The following CWF19L1 variants were observed in gnomAD, a reference collection of about 807,000 sequenced individuals.
CWF19L1 encodes the protein CWF19 like cell cycle control factor 1, also known as CWF19-like protein 1.
A neutral mutation model predicts 69.7 loss-of-function variants in CWF19L1; 60 were observed. That is an observed-to-expected ratio of 0.86 (90% CI 0.70 to 1.07). CWF19L1 has a LOEUF of 1.07. Among genes scored for constraint, CWF19L1 ranks in the 50% least tolerant of loss-of-function variants. The pLI, the probability that CWF19L1 is intolerant of heterozygous loss-of-function variation, is 0.00. For missense variants in CWF19L1, 591 were observed against 638.9 expected (o/e 0.92, Z 0.81); for synonymous variants, 209 against 222.2 (o/e 0.94, Z 0.53).
At position 100,237,156 on chromosome 10, in the gene CWF19L1, A is replaced by G. The variant is rs866550779; in HGVS notation, c.1255-187T>C. The stretch of plus-strand genomic sequence containing the variant: ...ACTTAAACTTATGAGATAGCCTGAC[A>G]CATGTGGGAGCCATTCTCTGATGCA... On this transcript the variant is annotated intron_variant, in intron 11 of 13. Transcript: ENST00000354105. 1.2e-5 allele frequency: 9 copies of G among 769,116 alleles called. No homozygotes were observed. In the African/African-American group the frequency reaches 1.4e-4, roughly 12 times the overall value. 47.6% of individuals were successfully genotyped at this position (769,116 alleles called of 1,614,324 possible).
intron 9 of CWF19L1, among the ~76,000 whole-genome samples, chr10:100,245,433 A>G (rs547018579): frequency 6.6e-6 from 1 of 152,326 alleles, no homozygotes. Flanking sequence ...CATCACTCTC[A>G]AGTAGATGGG....
chr10:100,236,760 ACT>A, intron 12 of CWF19L1, 88 bp downstream of exon 12: 6 of 1,457,922 alleles, frequency 4.1e-6, no homozygotes, highest in South Asian at 2.7e-5. Flanking sequence ...ACAGAGCAAG[ACT>A]CTGTCTCAAA....
At chr10:100,262,157 T>A in intron 1 of CWF19L1, 94 bp from the exon 2 acceptor site, 1 of 1,477,858 alleles carries the variant, frequency 6.8e-7, no homozygotes, top group South Asian at 1.4e-5. Flanking sequence ...GATAGATACA[T>A]GATCTAGTCT....
intron 1 of CWF19L1, among the ~76,000 whole-genome samples, chr10:100,267,139 C>CCA: frequency 7.6e-6 from 1 of 131,048 alleles, no homozygotes. Flanking sequence ...CCCCACCCCT[C>CCA]CTCCTCGCAA....
intron 7 of CWF19L1, chr10:100,248,823 T>G (rs763951567): frequency 5.8e-6 from 8 of 1,384,592 alleles, no homozygotes; most frequent in Non-Finnish European, 8.2e-6. Context: ...AACAGGTGGC[T>G]CAGCGGGAAG....
intron 10 of CWF19L1, among the ~76,000 whole-genome samples, chr10:100,239,305 G>T (rs1846561972): frequency 1.3e-5 from 2 of 152,190 alleles, no homozygotes; most frequent in African/African-American, 2.4e-5. Context: ...GCACAGAAGG[G>T]CCCAATGAGT....
chr10:100,251,548 G>T, intron 6 of CWF19L1, among the ~76,000 whole-genome samples: 1 of 110,390 alleles, frequency 9.1e-6, no homozygotes, highest in South Asian at 2.9e-4. Flanking sequence ...GTCTCACTCT[G>T]TTGCCCAGGC....
At chr10:100,253,317 A>G in intron 6 of CWF19L1, 104 bp downstream of exon 6, 2 of 680,710 alleles carry the variant, frequency 2.9e-6, no homozygotes, top group Non-Finnish European at 5.2e-6. Context: ...TGAGTAACCA[A>G]ATGGAACCAA....
chr10:100,234,845 C>G (rs190908157), intron 13 of CWF19L1, among the ~76,000 whole-genome samples: 5 of 152,130 alleles, frequency 3.3e-5, no homozygotes, highest in Non-Finnish European at 7.3e-5. Context: ...TTGCCTGATA[C>G]GAGGAACAGA....
chr10:100,254,433 A>G (rs1308069099), intron 5 of CWF19L1: 1 of 152,204 alleles, frequency 6.6e-6, no homozygotes, highest in Non-Finnish European at 1.5e-5. Flanking sequence ...GAACATCCCC[A>G]GATTCTGTTA....
chr10:100,266,524 C>T (rs990563769), intron 1 of CWF19L1, among the ~76,000 whole-genome samples: 3 of 147,060 alleles, frequency 2.0e-5, no homozygotes, highest in African/African-American at 7.6e-5. Flanking sequence ...ATCTGAATTC[C>T]TTTTTTTTTA....
Position 100,257,274 on chromosome 10 carries a change from C to G in CWF19L1, c.290-798G>C, listed in dbSNP as rs575846866. Among the ~76,000 whole-genome samples, 12 of 148,100 alleles carry G rather than the reference C, an allele frequency of 8.1e-5. No homozygotes were observed. The South Asian group carries it at 2.6e-3, about 32-fold the overall frequency. ...TTGAATTTCTGAAGAGTCATCCATG[C>G]TAAGTGCTTTACCTTTTTTTTTTTT... On this transcript the variant is annotated intron_variant, in intron 4 of 13. Transcript: ENST00000354105.
intron 4 of CWF19L1, among the ~76,000 whole-genome samples, chr10:100,257,693 T>C (rs547051104): frequency 2.0e-5 from 3 of 152,144 alleles, no homozygotes; most frequent in African/African-American, 7.2e-5. Flanking sequence ...CCTGAAACTA[T>C]GTTATCTTCA....
intron 7 of CWF19L1, among the ~76,000 whole-genome samples, 164 bp from the exon 8 acceptor site, chr10:100,247,099 A>C (rs1480470696): frequency 6.6e-6 from 1 of 152,202 alleles, no homozygotes; most frequent in African/African-American, 2.4e-5. Flanking sequence ...AGTAAATCAA[A>C]TGCCAATTCA....
At chr10:100,233,562 C>T in intron 13 of CWF19L1, 191 bp from the exon 14 acceptor site, 1 of 424,212 alleles carries the variant, frequency 2.4e-6, no homozygotes. Context: ...CCTGATCCTT[C>T]AAACCCCACT....
chr10:100,241,544 A>C lies in CWF19L1; in HGVS notation c.1044+2154T>G, dbSNP rs189855349. Among the ~76,000 whole-genome samples the C allele has an allele frequency of 5.3e-5, 8 of 152,336 alleles. No homozygotes were observed. The East Asian group carries it at 1.4e-3, about 26-fold the overall frequency. On this transcript the variant is annotated intron_variant, in intron 10 of 13. Coordinates refer to ENST00000354105, the MANE Select transcript of CWF19L1 (RefSeq NM_018294.6). ...GATGAAGGCACCTGTCTTCAGAAGC[A>C]CTACACACTTAAGGAATTGTCTTAG...
Position 100,245,858 on chromosome 10 carries a change from C to T in CWF19L1, c.905G>A (p.Arg302His), listed in dbSNP as rs560724938. ...TTTGCTATCTCTACCTGTGGATGAA[C>T]GCTTCCTTCCCTGCTTTTCATTTAA... is the stretch of plus-strand genomic sequence containing the variant. The part of the protein sequence containing the change: ...FDLNEKQGRK[R>H]SSTGRDSKSS... Residue 302 changes from arginine (R) to histidine (H), a missense_variant, in exon 9 of 14, where the codon CGT becomes CAT. Around this residue, in one of 3 missense-constraint regions of CWF19L1, gnomAD observed 458 missense variants for 489.3 expected, o/e 0.94. Transcript: ENST00000354105. 5.1e-5 allele frequency: 82 copies of T among 1,614,082 alleles called. No homozygotes were observed. The highest frequency in any genetic ancestry group is 6.7e-5 in the Non-Finnish European group (79 of 1,180,024).
chr10:100,257,263 A>G (rs1036768514), intron 4 of CWF19L1, among the ~76,000 whole-genome samples: 5 of 147,186 alleles, frequency 3.4e-5, no homozygotes, highest in Admixed American at 2.7e-4. Flanking sequence ...ATTTCTGAAG[A>G]GTCATCCATG....
rs183686457 is a variant in CWF19L1 at position 100,259,663 on chromosome 10, G to C, written c.289+555C>G. Among the ~76,000 whole-genome samples the C allele has an allele frequency of 2.6e-5, 4 of 152,220 alleles. No individual in the cohort carries two copies. The East Asian group carries it at 7.7e-4, about 29-fold the overall frequency. ...CAAGTGTGTACCGGGTTGTGGGAAC[G>C]CAACGATATTGGGGCTAAGTGGTAG... On this transcript the variant is annotated intron_variant, in intron 4 of 13. Transcript: ENST00000354105.
Sources: allele counts gnomAD v4.1 joint callset (sites outside exome capture counted in the v4.1 genomes callset), GRCh38; gene constraint gnomAD v4.1.1; regional missense constraint gnomAD v4.1.1; transcripts MANE v1.5; gene names NCBI Gene and HGNC (gene_info 2026-07-23, HGNC 2026-07-21).